MMP16: variants seen among roughly 807,000 people sequenced by gnomAD.
MMP16 encodes the protein matrix metalloproteinase-16.
Under a neutral mutation model 67.8 loss-of-function variants are expected in MMP16, and 12 were observed. The observed-to-expected ratio is 0.18, with a 90% CI of 0.11 to 0.29. The LOEUF (loss-of-function observed/expected upper bound fraction) is 0.29. Ranked by LOEUF, MMP16 falls within the 10% of genes least tolerant of loss-of-function variation. The pLI, the probability that MMP16 is intolerant of heterozygous loss-of-function variation, is 1.00. For synonymous variants in MMP16, 249 were observed against 255.9 expected (o/e 0.97, Z 0.26); for missense variants, 475 against 765.7 (o/e 0.62, Z 4.48).
At chr8:88,238,362 A>C (rs1229503946) in intron 1 of MMP16, among the ~76,000 whole-genome samples, 1 of 151,950 alleles carries the variant, frequency 6.6e-6, no homozygotes, top group Non-Finnish European at 1.5e-5. Flanking sequence ...AAAATACAAA[A>C]ATTAGCCGGG....
intron 6 of MMP16, among the ~76,000 whole-genome samples, chr8:88,089,960 T>C (rs1051683503): frequency 2.0e-5 from 3 of 152,020 alleles, no homozygotes; most frequent in Non-Finnish European, 4.4e-5. Context: ...CACATGTATA[T>C]TATGTTGGGA....
chr8:88,214,411 A>G (rs1181550888), intron 1 of MMP16, among the ~76,000 whole-genome samples: 3 of 152,004 alleles, frequency 2.0e-5, no homozygotes, highest in Admixed American at 6.6e-5. Flanking sequence ...TACACACCCA[A>G]CTGCTTGTGT....
chr8:88,099,422 G>A (rs2118371705), intron 6 of MMP16, among the ~76,000 whole-genome samples: 1 of 151,842 alleles, frequency 6.6e-6, no homozygotes, highest in South Asian at 2.1e-4. Flanking sequence ...TGACATAAAA[G>A]TATCATACAT....
intron 1 of MMP16, among the ~76,000 whole-genome samples, chr8:88,283,312 G>A (rs1810770755): frequency 6.6e-6 from 1 of 152,144 alleles, no homozygotes; most frequent in Non-Finnish European, 1.5e-5. Context: ...AAAACAGAGT[G>A]TTAATTGCAT....
chr8:88,099,063 T>A (rs1809085472), intron 6 of MMP16, among the ~76,000 whole-genome samples: 1 of 151,784 alleles, frequency 6.6e-6, no homozygotes, highest in African/African-American at 2.4e-5. Context: ...TATAAGGAAT[T>A]ATTTTTAGAA....
chr8:88,166,720 TA>T (rs1808719333), intron 4 of MMP16, among the ~76,000 whole-genome samples: 1 of 135,192 alleles, frequency 7.4e-6, no homozygotes, highest in Non-Finnish European at 1.6e-5. Context: ...TATATATATA[TA>T]TATATATATT....
At chr8:88,297,810 T>C (rs1026967793) in intron 1 of MMP16, among the ~76,000 whole-genome samples, 1 of 152,174 alleles carries the variant, frequency 6.6e-6, no homozygotes, top group Non-Finnish European at 1.5e-5. Flanking sequence ...TAATAACAAA[T>C]ACACCTCAGA....
chr8:88,095,103 A>G lies in MMP16; in HGVS notation c.1084-20360T>C, dbSNP rs1809003264. Among the ~76,000 whole-genome samples the G allele has an allele frequency of 2.0e-5, 3 of 151,898 alleles. No individual in the cohort carries two copies. The East Asian group carries it at 5.8e-4, about 30-fold the overall frequency. The stretch of plus-strand genomic sequence containing the variant: ...TACAAGGCACCGCTCTACAGATTTT[A>G]CAGTACATTAATATTTTACTACTGG... On this transcript the variant is annotated intron_variant, in intron 6 of 9. Transcript: ENST00000286614.
At chr8:88,152,436 C>T (rs1176247686) in intron 4 of MMP16, among the ~76,000 whole-genome samples, 1 of 69,458 alleles carries the variant, frequency 1.4e-5, no homozygotes, top group Non-Finnish European at 2.7e-5. Context: ...GACCAATATC[C>T]TTGATGAACA....
At chr8:88,277,497 C>T (rs187076857) in intron 1 of MMP16, among the ~76,000 whole-genome samples, 6 of 152,268 alleles carry the variant, frequency 3.9e-5, no homozygotes, top group Admixed American at 1.3e-4. Context: ...GGAAACAAAA[C>T]GTGTATCATC....
chr8:88,289,364 C>T (rs1810884806), intron 1 of MMP16, among the ~76,000 whole-genome samples: 1 of 151,936 alleles, frequency 6.6e-6, no homozygotes, highest in South Asian at 2.1e-4. Context: ...TTTTAAAGGC[C>T]ATTTAAAAAG....
At chr8:88,103,308 G>A (rs755638473) in intron 6 of MMP16, among the ~76,000 whole-genome samples, 2 of 151,740 alleles carry the variant, frequency 1.3e-5, no homozygotes, top group Non-Finnish European at 2.9e-5. Flanking sequence ...CTAGTTACTG[G>A]TACTTTGCTA....
At chr8:88,120,841 T>C (rs1371715458) in intron 4 of MMP16, among the ~76,000 whole-genome samples, 1 of 151,792 alleles carries the variant, frequency 6.6e-6, no homozygotes, top group Non-Finnish European at 1.5e-5. Context: ...CTTGTTTTAA[T>C]CTTTACAGGG....
At chr8:88,211,042 C>G (rs1809504386) in intron 1 of MMP16, among the ~76,000 whole-genome samples, 1 of 152,128 alleles carries the variant, frequency 6.6e-6, no homozygotes, top group South Asian at 2.1e-4. Context: ...TAGGCAATAT[C>G]TATGGATACA....
intron 3 of MMP16, among the ~76,000 whole-genome samples, chr8:88,186,044 C>T (rs2129752696): frequency 6.6e-6 from 1 of 152,234 alleles, no homozygotes; most frequent in Non-Finnish European, 1.5e-5. Flanking sequence ...GACAAAACCA[C>T]TTGCATAATT....
At chr8:88,212,491 C>T (rs569668015) in intron 1 of MMP16, among the ~76,000 whole-genome samples, 34 of 152,026 alleles carry the variant, frequency 2.2e-4, no homozygotes, top group African/African-American at 7.5e-4. Flanking sequence ...AATAATATTT[C>T]CAAAATATCT....
chr8:88,046,840 T>C, intron 8 of MMP16, 56 bp from the exon 9 acceptor site: 1 of 1,119,184 alleles, frequency 8.9e-7, no homozygotes, highest in Non-Finnish European at 1.3e-6. Flanking sequence ...TAGGGAAAGA[T>C]TATGCATACA....
At chr8:88,227,353 G>A (rs939580283) in intron 1 of MMP16, among the ~76,000 whole-genome samples, 1 of 152,076 alleles carries the variant, frequency 6.6e-6, no homozygotes, top group Non-Finnish European at 1.5e-5. Context: ...AGGAACGTCT[G>A]TGATTAAAAG....
chr8:88,186,960 T>TA (rs929957954), intron 2 of MMP16, among the ~76,000 whole-genome samples: 86 of 152,310 alleles, frequency 5.6e-4, no homozygotes, highest in African/African-American at 2.0e-3. Context: ...GTGCTACTCA[T>TA]AAAATGCCAC....
Sources: allele counts gnomAD v4.1 joint callset (sites outside exome capture counted in the v4.1 genomes callset), GRCh38; gene constraint gnomAD v4.1.1; transcripts MANE v1.5; gene names NCBI Gene and HGNC (gene_info 2026-07-23, HGNC 2026-07-21).